The following EXT2 variants were observed in gnomAD, a reference collection of about 807,000 sequenced individuals.
EXT2 encodes the protein exostosin-2.
In EXT2, 53 loss-of-function variants were observed where a neutral mutation model predicts 81.6. The ratio of observed to expected loss-of-function variants is 0.65; its 90% confidence interval spans 0.52 to 0.82. The LOEUF (loss-of-function observed/expected upper bound fraction) is 0.82. EXT2 is among the 40% of genes least tolerant of loss of function. The probability of loss-of-function intolerance (pLI) is 0.00; values close to 1 mark genes in which losing one functional copy is unlikely to be tolerated. For missense variants in EXT2, 774 were observed against 910.2 expected, an observed-to-expected ratio of 0.85 and a Z score of 1.93; for synonymous variants, 320 against 340.0, an observed-to-expected ratio of 0.94 and a Z score of 0.65.
At chr11:44,122,791 C>T (rs1174364859) in intron 4 of EXT2, among the ~76,000 whole-genome samples, 2 of 152,246 alleles carry the variant, frequency 1.3e-5, no homozygotes, top group Non-Finnish European at 2.9e-5. Flanking sequence ...GCAGTAAGGA[C>T]GTGGTCAACG....
intron 10 of EXT2, among the ~76,000 whole-genome samples, chr11:44,215,041 A>G (rs532724393): frequency 2.0e-3 from 311 of 152,242 alleles, no homozygotes; most frequent in Non-Finnish European, 3.7e-3. Flanking sequence ...GGTTACAGGC[A>G]TGAGCCACTG....
chr11:44,209,711 C>T (rs1350923792), intron 10 of EXT2, among the ~76,000 whole-genome samples: 1 of 152,192 alleles, frequency 6.6e-6, no homozygotes, highest in African/African-American at 2.4e-5. Context: ...TTAATCTCTA[C>T]TCATCCTTCA....
chr11:44,139,783 T>A (rs566663299), intron 7 of EXT2, among the ~76,000 whole-genome samples: 1 of 152,340 alleles, frequency 6.6e-6, no homozygotes, highest in African/African-American at 2.4e-5. Context: ...CCCTTTTCTT[T>A]ATGGGCTTCT....
intron 8 of EXT2, among the ~76,000 whole-genome samples, chr11:44,179,470 G>C (rs1565224070): frequency 6.6e-6 from 1 of 152,228 alleles, no homozygotes; most frequent in Non-Finnish European, 1.5e-5. Context: ...GAGTAGAATA[G>C]TTTTTCAGAG....
At chr11:44,206,554 T>A (rs147496501) in intron 9 of EXT2, among the ~76,000 whole-genome samples, 1 of 152,304 alleles carries the variant, frequency 6.6e-6, no homozygotes, top group Non-Finnish European at 1.5e-5. Context: ...AGGATAAATA[T>A]GTATGTATAT....
rs1419074277 is a variant in EXT2, at chr11:44,175,061, T to C, written c.1305+3319T>C. Among the ~76,000 whole-genome samples, 8 of 152,206 alleles carry C rather than the reference T, an allele frequency of 5.3e-5. No individual in the cohort carries two copies. In the East Asian group the frequency reaches 1.5e-3, roughly 29 times the overall value. On this transcript the variant is annotated intron_variant, in intron 8 of 13. Coordinates refer to ENST00000533608, the MANE Select transcript of EXT2 (RefSeq NM_207122.2). ...AAGCCTTTTAAACAAGGGAGTAATG[T>C]GATAAGATTGCATTTTGGGTCAGTC...
intron 9 of EXT2, among the ~76,000 whole-genome samples, chr11:44,199,900 G>C (rs1185075364): frequency 6.6e-6 from 1 of 151,982 alleles, no homozygotes; most frequent in Non-Finnish European, 1.5e-5. Flanking sequence ...TTGACTCTAG[G>C]GAGGAAAAAG....
chr11:44,145,586 T>G (rs1314852698), intron 7 of EXT2, among the ~76,000 whole-genome samples: 1 of 152,196 alleles, frequency 6.6e-6, no homozygotes, highest in Non-Finnish European at 1.5e-5. Context: ...TGTCTGGTAC[T>G]GTACTGGGAG....
chr11:44,206,378 A>C (rs1369027585), intron 9 of EXT2, among the ~76,000 whole-genome samples: 1 of 152,208 alleles, frequency 6.6e-6, no homozygotes. Flanking sequence ...CTGATATTAA[A>C]GTCTTGATCC....
chr11:44,153,548 T>C (rs1954820135), intron 7 of EXT2, among the ~76,000 whole-genome samples: 1 of 152,138 alleles, frequency 6.6e-6, no homozygotes, highest in African/African-American at 2.4e-5. Flanking sequence ...ACTTTCAGTA[T>C]GGTGTTGAAA....
At position 44,251,194 on chromosome 11, in the gene EXT2, T is replaced by C. The variant is rs77049452; in HGVS notation, c.*6907T>C. On this transcript the variant is annotated 3_prime_UTR_variant, in exon 14 of 14. Transcript: ENST00000533608. Reference sequence around the variant, plus strand: ...ATGGAGAATTCAAGGATTTTTTTTTTCTCTTTTCATAGCACCTTCCAGTTG... The same window carrying C: ...ATGGAGAATTCAAGGATTTTTTTTTCCTCTTTTCATAGCACCTTCCAGTTG... Among the ~76,000 whole-genome samples the C allele has an allele frequency of 2.5e-3, 382 of 151,894 alleles. 1 individual carries two copies. Among genetic ancestry groups the C allele is most frequent in the Middle Eastern group, 3.4e-3 (1 of 292 alleles).
chr11:44,241,395 G>C (rs146283338), intron 13 of EXT2, among the ~76,000 whole-genome samples: 4 of 152,284 alleles, frequency 2.6e-5, no homozygotes, highest in Admixed American at 2.0e-4. Flanking sequence ...ACTTCAATCT[G>C]TTCATCTCCT....
At position 44,214,816 on chromosome 11, in the gene EXT2, A is replaced by G. The variant is rs369418174; in HGVS notation, c.1662+7857A>G. Among the ~76,000 whole-genome samples, 65 of 150,966 alleles carry G rather than the reference A, an allele frequency of 4.3e-4. 1 individual carries two copies. Among genetic ancestry groups the G allele is most frequent in the East Asian group, 4.3e-3 (22 of 5,112 alleles). On this transcript the variant is annotated intron_variant, in intron 10 of 13. Transcript: ENST00000533608. Reference sequence around the variant, plus strand: ...ACCCAGGCTGGTGTGCAGAGGTGCAATTGTAGCTAACTGTAACTTCAAATT... The same window carrying G: ...ACCCAGGCTGGTGTGCAGAGGTGCAGTTGTAGCTAACTGTAACTTCAAATT...
chr11:44,096,386 G>A (rs1953897361), intron 1 of EXT2: 9 of 1,474,390 alleles, frequency 6.1e-6, no homozygotes, highest in Non-Finnish European at 8.2e-6. Context: ...TTAGGCCGGG[G>A]ACTGGGTGAC....
rs979980173 is a variant in EXT2, at chr11:44,246,248, A to G, written c.*1961A>G. 6.6e-6 allele frequency among the ~76,000 whole-genome samples: 1 copy of G among 152,170 alleles called. No individual in the cohort carries two copies. On this transcript the variant is annotated 3_prime_UTR_variant, in exon 14 of 14. Transcript: ENST00000533608. Reference sequence around the variant, plus strand: ...TACATTGAAATCTCTGCTGAAAGCTATGGACTGTGCTGGCATTGTGTATGT... The same window carrying G: ...TACATTGAAATCTCTGCTGAAAGCTGTGGACTGTGCTGGCATTGTGTATGT...
chr11:44,111,399 G>A (rs569197609), intron 3 of EXT2, among the ~76,000 whole-genome samples: 10 of 152,200 alleles, frequency 6.6e-5, no homozygotes, highest in Admixed American at 3.3e-4. Flanking sequence ...ATTAAAATAT[G>A]ATGTGTTTTT....
At chr11:44,165,288 T>C (rs1305238833) in intron 7 of EXT2, among the ~76,000 whole-genome samples, 1 of 152,206 alleles carries the variant, frequency 6.6e-6, no homozygotes, top group East Asian at 1.9e-4. Flanking sequence ...CTTTCGTACA[T>C]TGCCAGCGTA....
chr11:44,119,229 G>C (rs1219574592), intron 4 of EXT2, among the ~76,000 whole-genome samples: 1 of 148,208 alleles, frequency 6.7e-6, no homozygotes, highest in Non-Finnish European at 1.5e-5. Context: ...ATGTGTGTCA[G>C]AGGGTCCTGA....
intron 6 of EXT2, 94 bp from the exon 7 acceptor site, chr11:44,129,951 G>A (rs982187791): frequency 1.0e-5 from 10 of 962,778 alleles, no homozygotes; most frequent in African/African-American, 3.2e-5. Context: ...GGTTTGGGAT[G>A]TTGTTTCTGC....
Sources: gnomAD v4.1 joint callset for allele counts (sites outside exome capture counted in the v4.1 genomes callset) on GRCh38, gnomAD v4.1.1 for gene constraint, MANE v1.5 for transcripts, NCBI Gene and HGNC (gene_info 2026-07-23, HGNC 2026-07-21) for gene names.